The following KDM1A variants were observed in gnomAD, a reference collection of about 807,000 sequenced individuals.
KDM1A encodes lysine demethylase 1A, also known as lysine-specific histone demethylase 1A.
In KDM1A, 49 loss-of-function variants were observed where a neutral mutation model predicts 109.4. The observed-to-expected ratio is 0.45, with a 90% CI of 0.36 to 0.57. The LOEUF is 0.57. KDM1A is among the 20% of genes least tolerant of loss of function. KDM1A has a pLI of 0.00. For synonymous variants in KDM1A, 380 were observed against 415.4 expected (o/e 0.91, Z 1.04); for missense variants, 668 against 1,116.6 (o/e 0.60, Z 5.73).
At chr1:23,077,418 T>C in intron 16 of KDM1A, 58 bp downstream of exon 16, 1 of 1,548,090 alleles carries the variant, frequency 6.5e-7, no homozygotes, top group Non-Finnish European at 8.8e-7. Flanking sequence ...GACTGATCTT[T>C]TGTTAGGTGC....
intron 10 of KDM1A, 142 bp downstream of exon 10, chr1:23,066,213 A>G: frequency 1.6e-6 from 1 of 635,742 alleles, no homozygotes. Context: ...TTGCGCCTAT[A>G]TGTTGGGCTG....
intron 2 of KDM1A, among the ~76,000 whole-genome samples, chr1:23,044,130 T>G (rs1227153795): frequency 6.6e-6 from 1 of 152,136 alleles, no homozygotes; most frequent in Non-Finnish European, 1.5e-5. Flanking sequence ...TTTTCCCCCA[T>G]CCAGACTATT....
intron 12 of KDM1A, among the ~76,000 whole-genome samples, 165 bp from the exon 13 acceptor site, chr1:23,071,060 T>C (rs1055486070): frequency 1.3e-5 from 2 of 152,170 alleles, no homozygotes; most frequent in African/African-American, 2.4e-5. Flanking sequence ...ATTTCCCAAA[T>C]GGAATGATGT....
At chr1:23,032,413 C>T (rs1339485739) in intron 2 of KDM1A, among the ~76,000 whole-genome samples, 4 of 149,388 alleles carry the variant, frequency 2.7e-5, no homozygotes, top group Admixed American at 1.3e-4. Context: ...AAAAAGTAAA[C>T]GTCTTAGCAA....
intron 12 of KDM1A, 65 bp from the exon 13 acceptor site, chr1:23,071,160 A>T: frequency 7.2e-7 from 1 of 1,392,412 alleles, no homozygotes; most frequent in Non-Finnish European, 9.9e-7. Flanking sequence ...AAAAAAGGGT[A>T]CATGTGATGT....
chr1:23,061,858 C>T (rs1643011921), intron 9 of KDM1A, among the ~76,000 whole-genome samples: 1 of 152,028 alleles, frequency 6.6e-6, no homozygotes, highest in African/African-American at 2.4e-5. Context: ...AGGGTTTTTC[C>T]ATGTTGGCCA....
intron 3 of KDM1A, among the ~76,000 whole-genome samples, chr1:23,049,708 C>T (rs373812645): frequency 1.1e-4 from 16 of 150,848 alleles, no homozygotes; most frequent in South Asian, 4.2e-4. Context: ...AAGAGAAGAA[C>T]GTATTTTACT....
chr1:23,082,256 CCCTGGGCTCGGGGCTCTTATT>C lies in KDM1A; in HGVS notation c.2339_2359del (p.Trp780_Ser786del). 6.2e-7 allele frequency: 1 copy of C among 1,613,744 alleles called. No homozygotes were observed. Among genetic ancestry groups the C allele is most frequent in the Non-Finnish European group, 8.5e-7 (1 of 1,179,954 alleles). ...TGTGGTGTCTCGTTGGCGTGCTGAT[CCCTGGGCTCGGGGCTCTTATT>C]CCTATGTTGCTGCAGGATCATCTGG... On this transcript the variant is annotated inframe_deletion, in exon 20 of 21. Coordinates refer to ENST00000400181, the MANE Select transcript of KDM1A (RefSeq NM_001009999.3).
chr1:23,030,072 G>A (rs975453988), intron 1 of KDM1A, among the ~76,000 whole-genome samples: 1 of 152,208 alleles, frequency 6.6e-6, no homozygotes, highest in Non-Finnish European at 1.5e-5. Flanking sequence ...GTAGTTAGAA[G>A]CACAGACTTG....
chr1:23,053,842 A>G lies in KDM1A; in HGVS notation c.790+3A>G. The G allele has an allele frequency of 1.3e-6, 2 of 1,535,724 alleles. No homozygotes were observed. The highest frequency in any genetic ancestry group is 4.5e-5 in the East Asian group (2 of 44,508). On this transcript the variant is annotated splice_donor_region_variant and intron_variant, in intron 5 of 20. Transcript: ENST00000400181. ...ACAATTAGAAGCACCTTATAACAGTAAGTAGTGTGTTCAATAGGACTAATT... is the reference window on the plus strand; with the variant it reads ...ACAATTAGAAGCACCTTATAACAGTGAGTAGTGTGTTCAATAGGACTAATT...
chr1:23,082,145 CTG>C, intron 19 of KDM1A, 73 bp from the exon 20 acceptor site: 1 of 1,526,660 alleles, frequency 6.6e-7, no homozygotes, highest in Non-Finnish European at 9.0e-7. Context: ...CCACCCACCA[CTG>C]CTTTTCCACC....
chr1:23,060,714 C>G (rs1642974636), intron 9 of KDM1A, among the ~76,000 whole-genome samples: 1 of 151,936 alleles, frequency 6.6e-6, no homozygotes, highest in Non-Finnish European at 1.5e-5. Flanking sequence ...ATTATACCAG[C>G]GAGGGTAGGA....
At chr1:23,045,672 T>G (rs79966955) in intron 3 of KDM1A, among the ~76,000 whole-genome samples, 1 of 145,668 alleles carries the variant, frequency 6.9e-6, no homozygotes, top group Non-Finnish European at 1.5e-5. Context: ...TTTGTTTCTG[T>G]TTTTTTTTTG....
chr1:23,027,612 A>C (rs1282073314), intron 1 of KDM1A, among the ~76,000 whole-genome samples: 2 of 150,464 alleles, frequency 1.3e-5, no homozygotes, highest in Non-Finnish European at 3.0e-5. Context: ...TTTTGTAAAC[A>C]CAGGGTTTCC....
intron 11 of KDM1A, 121 bp from the exon 12 acceptor site, chr1:23,068,940 T>C (rs1234865948): frequency 1.9e-5 from 13 of 680,928 alleles, no homozygotes; most frequent in African/African-American, 1.8e-5. Flanking sequence ...TAGCCAACTT[T>C]CTTGTTCCTA....
chr1:23,078,403 T>C (rs534784167), intron 16 of KDM1A, among the ~76,000 whole-genome samples: 1 of 152,152 alleles, frequency 6.6e-6, no homozygotes, highest in African/African-American at 2.4e-5. Flanking sequence ...TAAACAGACA[T>C]TCATTAAAAA....
chr1:23,045,713 A>C (rs1642483908), intron 3 of KDM1A, among the ~76,000 whole-genome samples: 1 of 152,026 alleles, frequency 6.6e-6, no homozygotes, highest in South Asian at 2.1e-4. Context: ...TGCATTAAGT[A>C]AACAATATCA....
chr1:23,069,137 G>T lies in KDM1A; in HGVS notation c.1399G>T (p.Glu467Ter), dbSNP rs766849199. 1.3e-6 allele frequency: 2 copies of T among 1,596,730 alleles called. No individual in the cohort carries two copies. Among genetic ancestry groups the T allele is most frequent in the Non-Finnish European group, 8.6e-7 (1 of 1,166,078 alleles). Residue 467 changes from glutamate (E) to a stop codon, truncating the protein, a stop_gained, in exon 12 of 21, where the codon GAA becomes TAA. Transcript: ENST00000400181. LOFTEE classifies it high-confidence loss of function. ...KIVKTQEELK[E>*]LLNKMVNLKE... ...AGTGAAAACTCAGGAAGAATTGAAA[G>T]AACTTCTTAATAAGGTGAAATTCTG...
At chr1:23,027,711 C>T (rs928770352) in intron 1 of KDM1A, among the ~76,000 whole-genome samples, 2 of 146,920 alleles carry the variant, frequency 1.4e-5, no homozygotes, top group African/African-American at 2.5e-5. Context: ...CTTGAGCCAC[C>T]GCTCCCAGCC....
Sources: gnomAD v4.1 joint callset for allele counts (sites outside exome capture counted in the v4.1 genomes callset) on GRCh38, gnomAD v4.1.1 for gene constraint, MANE v1.5 for transcripts, NCBI Gene and HGNC (gene_info 2026-07-23, HGNC 2026-07-21) for gene names.